Variants in MAD1L1 observed in about 807,000 individuals in gnomAD.
MAD1L1 encodes mitotic spindle assembly checkpoint protein MAD1.
A neutral mutation model predicts 96.9 loss-of-function variants in MAD1L1; 95 were observed. That is an observed-to-expected ratio of 0.98 (90% confidence interval 0.83 to 1.16). The LOEUF is 1.16. MAD1L1 is among the 50% of genes most tolerant of loss of function. The pLI is 0.00. For missense variants in MAD1L1, 1,007 were observed against 954.4 expected (o/e 1.06, Z -0.73); for synonymous variants, 473 against 396.6 (o/e 1.19, Z -2.29).
chr7:2,100,844 G>T (rs781574400), intron 11 of MAD1L1, among the ~76,000 whole-genome samples: 29 of 152,368 alleles, frequency 1.9e-4, no homozygotes, highest in Admixed American at 3.3e-4. Context: ...CCAGCGACTG[G>T]AGGCGCGGCT....
chr7:2,034,154 T>A (rs1311832654), intron 12 of MAD1L1, among the ~76,000 whole-genome samples: 1 of 151,794 alleles, frequency 6.6e-6, no homozygotes, highest in Non-Finnish European at 1.5e-5. Flanking sequence ...AGTCCAAGGA[T>A]GTTGCACACA....
In MAD1L1 at chr7:2,216,422, G is replaced by A. The variant is rs1036642530; in HGVS notation, c.679-135C>T. On this transcript the variant is annotated intron_variant, in intron 7 of 18. Coordinates refer to ENST00000265854, the MANE Select transcript of MAD1L1 (RefSeq NM_001013836.2). Reference sequence around the variant, plus strand: ...ACACTGCAGGATCCAACCACAGGACGTTCTGGGAAAGGAAGGGGTTGTCAA... The same window carrying A: ...ACACTGCAGGATCCAACCACAGGACATTCTGGGAAAGGAAGGGGTTGTCAA... 43 of 862,996 alleles carry A rather than the reference G, an allele frequency of 5.0e-5. No individual in the cohort carries two copies. The East Asian group carries it at 9.0e-4, about 18-fold the overall frequency. The allele number at this position is 862,996 out of a possible 1,614,324, so 53.5% of individuals were successfully genotyped here.
chr7:2,101,899 A>G (rs190132721), intron 11 of MAD1L1, among the ~76,000 whole-genome samples: 1 of 152,112 alleles, frequency 6.6e-6, no homozygotes, highest in African/African-American at 2.4e-5. Flanking sequence ...CAGGCAGGAG[A>G]AGGAGGAGTG....
At chr7:2,100,792 TGGAGGGTG>T (rs1173536339) in intron 11 of MAD1L1, among the ~76,000 whole-genome samples, 1 of 152,156 alleles carries the variant, frequency 6.6e-6, no homozygotes, top group African/African-American at 2.4e-5. Context: ...TGAAGGGGGT[TGGAGGGTG>T]GGAGGGGAAC....
intron 12 of MAD1L1, among the ~76,000 whole-genome samples, chr7:2,014,984 C>T (rs1284053657): frequency 1.3e-5 from 2 of 152,228 alleles, no homozygotes; most frequent in Non-Finnish European, 2.9e-5. Context: ...GGACACAGCA[C>T]ACACAAGGCG....
chr7:1,943,362 G>A (rs1442599966), intron 16 of MAD1L1, among the ~76,000 whole-genome samples: 2 of 152,162 alleles, frequency 1.3e-5, no homozygotes, highest in Non-Finnish European at 2.9e-5. Context: ...ATCTATACCC[G>A]AAGAACTTAC....
intron 11 of MAD1L1, among the ~76,000 whole-genome samples, chr7:2,128,718 C>T (rs899602465): frequency 8.5e-5 from 13 of 152,284 alleles, no homozygotes; most frequent in Non-Finnish European, 8.8e-5. Flanking sequence ...GGGCTGAAAC[C>T]GGCTCCCTCT....
intron 18 of MAD1L1, among the ~76,000 whole-genome samples, chr7:1,897,720 C>T (rs1345620241): frequency 1.3e-5 from 2 of 152,102 alleles, no homozygotes; most frequent in Non-Finnish European, 2.9e-5. Context: ...TGTAGAGATG[C>T]GGCTGGCTCT....
intron 18 of MAD1L1, among the ~76,000 whole-genome samples, chr7:1,891,191 TG>T: frequency 6.6e-6 from 1 of 152,204 alleles, no homozygotes; most frequent in African/African-American, 2.4e-5. Flanking sequence ...TTTCTATAGC[TG>T]TAGGATGTGC....
chr7:2,227,859 G>A (rs1052794184), intron 3 of MAD1L1, among the ~76,000 whole-genome samples: 5 of 152,166 alleles, frequency 3.3e-5, no homozygotes, highest in African/African-American at 1.2e-4. Flanking sequence ...AGACACACCT[G>A]ATCCGTGTGC....
At chr7:1,841,607 C>T (rs1006599450) in intron 18 of MAD1L1, among the ~76,000 whole-genome samples, 4 of 152,214 alleles carry the variant, frequency 2.6e-5, no homozygotes. Context: ...GGTGAGTGGC[C>T]GGGCGCCTGC....
At chr7:1,937,103 G>A (rs1477031410) in intron 16 of MAD1L1, among the ~76,000 whole-genome samples, 2 of 152,220 alleles carry the variant, frequency 1.3e-5, no homozygotes, top group South Asian at 2.1e-4. Flanking sequence ...GTGGACAGGT[G>A]CAGGAACAAG....
intron 12 of MAD1L1, among the ~76,000 whole-genome samples, chr7:2,035,366 C>T (rs1215787515): frequency 1.0e-5 from 1 of 96,800 alleles, no homozygotes; most frequent in Non-Finnish European, 1.9e-5. Context: ...GGCATGAGCG[C>T]GGGAGCACTG....
chr7:2,124,670 C>G lies in MAD1L1; in HGVS notation c.1073+24482G>C, dbSNP rs190028990. On this transcript the variant is annotated intron_variant, in intron 11 of 18. Transcript: ENST00000265854. ...GGCTCCACGCCTCCCCAGGGGCAGA[C>G]CTGCTGGGTTCTCACACACCCCGGG... Among the ~76,000 whole-genome samples, 58 of 152,330 alleles carry G rather than the reference C, an allele frequency of 3.8e-4. No individual in the cohort carries two copies. The East Asian group carries it at 0.011, about 28-fold the overall frequency.
chr7:1,907,935 T>TGCAGTGTGCG (rs1562512918), intron 17 of MAD1L1, among the ~76,000 whole-genome samples: 1 of 152,210 alleles, frequency 6.6e-6, no homozygotes, highest in Non-Finnish European at 1.5e-5. Flanking sequence ...GTGACCGCCC[T>TGCAGTGTGCG]GGCCCCTGCA....
intron 13 of MAD1L1, among the ~76,000 whole-genome samples, chr7:2,004,967 C>T (rs1172597259): frequency 1.3e-5 from 2 of 152,204 alleles, no homozygotes; most frequent in Non-Finnish European, 2.9e-5. Context: ...AAAGGTGACT[C>T]GGAGCCAAGG....
chr7:2,007,067 T>A (rs1046603097), intron 13 of MAD1L1, among the ~76,000 whole-genome samples: 1 of 151,074 alleles, frequency 6.6e-6, no homozygotes, highest in African/African-American at 2.4e-5. Context: ...GAGAGAGGAA[T>A]GGGAACTCCA....
At chr7:2,050,363 T>C (rs1439409931) in intron 12 of MAD1L1, among the ~76,000 whole-genome samples, 1 of 152,224 alleles carries the variant, frequency 6.6e-6, no homozygotes, top group Non-Finnish European at 1.5e-5. Flanking sequence ...CCCTAGCCAG[T>C]GCCTCAGACC....
intron 4 of MAD1L1, among the ~76,000 whole-genome samples, chr7:2,224,126 C>A (rs1442139653): frequency 6.6e-6 from 1 of 152,170 alleles, no homozygotes; most frequent in East Asian, 1.9e-4. Flanking sequence ...CAATGGAGAT[C>A]CTGGGCAGAG....
Sources: allele counts gnomAD v4.1 joint callset (sites outside exome capture counted in the v4.1 genomes callset), GRCh38; gene constraint gnomAD v4.1.1; transcripts MANE v1.5; gene names NCBI Gene and HGNC (gene_info 2026-07-23, HGNC 2026-07-21).